TENM1: variants seen among roughly 807,000 people sequenced by gnomAD.
TENM1 encodes teneurin-1.
TENM1 carries 35 observed loss-of-function variants against 174.8 expected under a neutral mutation model. The observed-to-expected ratio is 0.20, with a 90% confidence interval of 0.15 to 0.27. The LOEUF (loss-of-function observed/expected upper bound fraction) is 0.27, where lower values mean the gene tolerates loss of function less well. TENM1 is among the 10% of genes least tolerant of loss of function. The pLI is 1.00. For synonymous variants in TENM1, 781 were observed against 798.7 expected, an observed-to-expected ratio of 0.98 and a Z score of 0.37; for missense variants, 1,633 against 2,130.1, an observed-to-expected ratio of 0.77 and a Z score of 4.59.
chrX:124,387,361 TTGAC>T (rs1294659554), intron 28 of TENM1, among the ~76,000 whole-genome samples: 3 of 111,388 alleles, frequency 2.7e-5, no homozygotes, highest in African/African-American at 6.5e-5. Context: ...AGGACTCTAA[TTGAC>T]TGACATGTGC....
chrX:124,671,529 T>G lies in TENM1; in HGVS notation c.1168+154A>C, dbSNP rs1460465504. On this transcript the variant is annotated intron_variant, in intron 6 of 31. Transcript: ENST00000422452. ...CACTGGAAACAAGGAAAATTTGCTT[T>G]CACAAGATATTTACATGCATTTATT... Among the ~76,000 whole-genome samples, 6 of 112,295 alleles carry G rather than the reference T, an allele frequency of 5.3e-5. No homozygotes were observed. In the East Asian group the frequency reaches 1.7e-3, roughly 31 times the overall value.
chrX:124,552,925 C>T (rs1476897888), intron 14 of TENM1, among the ~76,000 whole-genome samples: 1 of 111,234 alleles, frequency 9.0e-6, no homozygotes, highest in Non-Finnish European at 1.9e-5. Flanking sequence ...AAAATTTCCC[C>T]GTCCTACACT....
At chrX:124,629,822 A>T (rs1569352996) in intron 11 of TENM1, among the ~76,000 whole-genome samples, 3 of 112,283 alleles carry the variant, frequency 2.7e-5, no homozygotes, top group Non-Finnish European at 5.6e-5. Flanking sequence ...GCTCATTGCC[A>T]ACTTTCTAGA....
intron 3 of TENM1, among the ~76,000 whole-genome samples, chrX:124,866,890 A>G (rs949261145): frequency 1.8e-5 from 2 of 111,594 alleles, no homozygotes; most frequent in Non-Finnish European, 3.8e-5. Context: ...AATCAAAAAA[A>G]TCTAGAAGAA....
At chrX:124,553,232 C>T (rs1273905929) in intron 14 of TENM1, among the ~76,000 whole-genome samples, 1 of 93,104 alleles carries the variant, frequency 1.1e-5, no homozygotes, top group Non-Finnish European at 2.1e-5. Context: ...TGTGGTGGCT[C>T]ACGCCTGTAA....
chrX:124,747,240 A>G lies in TENM1; in HGVS notation c.536-10043T>C, dbSNP rs148190498. Among the ~76,000 whole-genome samples the G allele has an allele frequency of 4.0e-3, 434 of 109,675 alleles. 3 individuals are homozygous for G. Among genetic ancestry groups the G allele is most frequent in the African/African-American group, 0.013 (407 of 30,306 alleles). ...ATCTGCTCATATGATATTAGAATGA[A>G]TTGAACAACAGTGAATGCAGGTACT... On this transcript the variant is annotated intron_variant, in intron 3 of 31. Transcript: ENST00000422452.
chrX:125,053,704 A>G, the TENM1 span, among the ~76,000 whole-genome samples: 8 of 111,652 alleles, frequency 7.2e-5, no homozygotes, highest in East Asian at 2.3e-3. Flanking sequence ...AAACATTTAA[A>G]TGTCACTTTC....
intron 3 of TENM1, among the ~76,000 whole-genome samples, chrX:124,837,597 A>T (rs1341208841): frequency 8.9e-6 from 1 of 112,150 alleles, no homozygotes; most frequent in Non-Finnish European, 1.9e-5. Context: ...CCATATAAAC[A>T]CTGCCTCTAA....
chrX:125,179,136 G>A, the TENM1 span, among the ~76,000 whole-genome samples: 2 of 111,291 alleles, frequency 1.8e-5, no homozygotes, highest in Non-Finnish European at 3.8e-5. Flanking sequence ...ATGTTCTGTT[G>A]GCTCACCAAA....
intron 16 of TENM1, among the ~76,000 whole-genome samples, chrX:124,523,854 C>G (rs910621148): frequency 4.7e-5 from 5 of 106,941 alleles, no homozygotes; most frequent in African/African-American, 1.7e-4. Context: ...GTTGATATTC[C>G]CTTGAAATTT....
chrX:125,155,666 G>A, the TENM1 span, among the ~76,000 whole-genome samples: 4 of 21,882 alleles, frequency 1.8e-4, no homozygotes, highest in African/African-American at 7.9e-4. Flanking sequence ...GCGCAGCACC[G>A]GTGGGCCGGC....
exon 30 of TENM1, chrX:124,384,172 C>T: frequency 1.7e-6 from 2 of 1,210,974 alleles, no homozygotes; most frequent in Non-Finnish European, 2.2e-6. Context: ...AGTAATACTG[C>T]ACAGTCCAGC....
At chrX:125,033,153 T>G in the TENM1 span, among the ~76,000 whole-genome samples, 1 of 111,645 alleles carries the variant, frequency 9.0e-6, no homozygotes, top group Non-Finnish European at 1.9e-5. Flanking sequence ...TCTCAAAGTG[T>G]GAGTGTGGAA....
At chrX:124,614,039 A>C (rs945082485) in intron 11 of TENM1, among the ~76,000 whole-genome samples, 1 of 111,264 alleles carries the variant, frequency 9.0e-6, no homozygotes, top group Non-Finnish European at 1.9e-5. Flanking sequence ...ATGCGCCCCA[A>C]GGCTTGAAGG....
Position 124,402,656 on chromosome X carries a change from T to G in TENM1, c.5391+2375A>C, listed in dbSNP as rs761671192. The stretch of plus-strand genomic sequence containing the variant: ...AATGGAAACTTCCAAGGTCACATAA[T>G]ATAGGATGAGTTATCCTAAAGAATG... On this transcript the variant is annotated intron_variant, in intron 27 of 31. Coordinates refer to ENST00000422452, the Ensembl canonical transcript of TENM1. Among the ~76,000 whole-genome samples, 171 of 111,832 alleles carry G rather than the reference T, an allele frequency of 1.5e-3. 3 individuals are homozygous for G. Among genetic ancestry groups the G allele is most frequent in the African/African-American group, 5.2e-3 (159 of 30,771 alleles).
chrX:124,789,748 C>G (rs1178343854), intron 3 of TENM1, among the ~76,000 whole-genome samples: 1 of 111,792 alleles, frequency 8.9e-6, no homozygotes, highest in Non-Finnish European at 1.9e-5. Context: ...TTGGGGAAAG[C>G]CAGTCAACAA....
chrX:125,162,079 G>A, the TENM1 span, among the ~76,000 whole-genome samples: 1 of 111,212 alleles, frequency 9.0e-6, no homozygotes, highest in African/African-American at 3.3e-5. Context: ...AATCAACTAG[G>A]TTTTTTTTCT....
the TENM1 span, among the ~76,000 whole-genome samples, chrX:125,069,723 A>G: frequency 9.0e-6 from 1 of 111,084 alleles, no homozygotes; most frequent in Non-Finnish European, 1.9e-5. Flanking sequence ...CCTGTGTTAC[A>G]AACCTTCACA....
intron 11 of TENM1, among the ~76,000 whole-genome samples, chrX:124,623,198 C>A (rs1458968781): frequency 9.0e-6 from 1 of 111,084 alleles, no homozygotes. Flanking sequence ...AGTGGGTAAG[C>A]ATGGGCTTGA....
Sources: gnomAD v4.1 joint callset for allele counts (sites outside exome capture counted in the v4.1 genomes callset) on GRCh38, gnomAD v4.1.1 for gene constraint, MANE v1.5 for transcripts, NCBI Gene and HGNC (gene_info 2026-07-23, HGNC 2026-07-21) for gene names.